SLC25A27: variants seen among roughly 807,000 people sequenced by gnomAD.
SLC25A27 encodes solute carrier family 25 member 27, also known as mitochondrial uncoupling protein 4.
Under a neutral mutation model 49.1 loss-of-function variants are expected in SLC25A27, and 35 were observed. That is an observed-to-expected ratio of 0.71 (90% CI 0.54 to 0.95). The LOEUF is 0.95. Among genes scored for constraint, SLC25A27 ranks in the 40% least tolerant of loss-of-function variants. The pLI is 0.00. For synonymous variants in SLC25A27, 144 were observed against 136.9 expected (o/e 1.05, Z -0.36); for missense variants, 339 against 397.1 (o/e 0.85, Z 1.24).
At chr6:46,654,472 T>C (rs1459878267) in intron 1 of SLC25A27, among the ~76,000 whole-genome samples, 2 of 152,322 alleles carry the variant, frequency 1.3e-5, no homozygotes, top group Non-Finnish European at 2.9e-5. Context: ...TGCTGAATGA[T>C]ATTTCCAGGT....
Position 46,676,468 on chromosome 6 carries a change from C to T in SLC25A27, c.*14C>T, listed in dbSNP as rs760876372. ...AGTCCATTTTAAACCCCTAAAGATGCAACCCTTAAAGATACAGTGTTCAGT... is the reference window on the plus strand; with the variant it reads ...AGTCCATTTTAAACCCCTAAAGATGTAACCCTTAAAGATACAGTGTTCAGT... On this transcript the variant is annotated 3_prime_UTR_variant, in exon 9 of 9. Transcript: ENST00000371347. 1 of 1,613,592 alleles carries T rather than the reference C, an allele frequency of 6.2e-7. No individual in the cohort carries two copies. Among genetic ancestry groups the T allele is most frequent in the South Asian group, 1.1e-5 (1 of 91,032 alleles).
chr6:46,670,151 G>T lies in SLC25A27; in HGVS notation c.721G>T (p.Val241Leu). ...HGLSSLCSGL[V>L]ASILGTPADV... ...TATTTATAGTTTATGTTCTGGACTGGTAGCTTCTATTCTGGGAACACCAGC... is the reference window on the plus strand; with the variant it reads ...TATTTATAGTTTATGTTCTGGACTGTTAGCTTCTATTCTGGGAACACCAGC... The change falls in exon 7 of 9, where the codon GTA becomes TTA. Residue 241 changes from valine (V) to leucine (L), a missense_variant. By Grantham distance (32) the Val-to-Leu change is conservative (BLOSUM62 1). Coordinates refer to ENST00000371347, the MANE Select transcript of SLC25A27 (RefSeq NM_004277.5). 6.2e-7 allele frequency: 1 copy of T among 1,610,688 alleles called. No homozygotes were observed. The highest frequency in any genetic ancestry group is 1.1e-5 in the South Asian group (1 of 90,680).
At chr6:46,675,340 C>T (rs1369496058) in intron 8 of SLC25A27, among the ~76,000 whole-genome samples, 3 of 152,150 alleles carry the variant, frequency 2.0e-5, no homozygotes, top group Non-Finnish European at 4.4e-5. Flanking sequence ...TCATCCAACT[C>T]CAAGTATATT....
At position 46,677,197 on chromosome 6, in the gene SLC25A27, AAAGAG is replaced by A. The variant is rs1411627968; in HGVS notation, c.*749_*753del. 1.9e-5 allele frequency: 3 copies of A among 154,972 alleles called. No homozygotes were observed. The highest frequency in any genetic ancestry group is 7.2e-5 in the African/African-American group (3 of 41,472). 9.6% of individuals were successfully genotyped at this position (154,972 alleles called of 1,614,324 possible). A position where few individuals can be genotyped will look rare whatever the true frequency, so the allele number is the denominator to read the frequency against. On this transcript the variant is annotated 3_prime_UTR_variant, in exon 9 of 9. Transcript: ENST00000371347. Reference sequence around the variant, plus strand: ...AGCCACACACCGAATCTTGATGAAAAAAGAGAAGAGCATTTGCCTTGTTACATAGT... The same window carrying A: ...AGCCACACACCGAATCTTGATGAAAAAAGAGCATTTGCCTTGTTACATAGT...
At chr6:46,662,547 C>G (rs942133187) in intron 4 of SLC25A27, 49 bp downstream of exon 4, 7 of 1,594,708 alleles carry the variant, frequency 4.4e-6, no homozygotes, top group Non-Finnish European at 6.0e-6. Flanking sequence ...TGGCCACCGT[C>G]ATATTTTTAA....
At chr6:46,653,752 C>T in intron 1 of SLC25A27, 1 of 985,232 alleles carries the variant, frequency 1.0e-6, no homozygotes, top group Middle Eastern at 5.2e-4. Flanking sequence ...ACCTGCCACT[C>T]ACAGAGCATC....
rs566203913 is a variant in SLC25A27 at position 46,664,948 on chromosome 6, T to C, written c.619+62T>C. On this transcript the variant is annotated intron_variant, in intron 5 of 8. Transcript: ENST00000371347. ...TTGCCTTAATAGCTGTAAGCACTTA[T>C]ATTAGGGAAATTAAAATTTATGTTT... 157 of 731,738 alleles carry C rather than the reference T, an allele frequency of 2.1e-4. No individual in the cohort carries two copies. In the South Asian group the frequency reaches 2.6e-3, roughly 12 times the overall value. 45.3% of individuals were successfully genotyped at this position (731,738 alleles called of 1,614,324 possible).
intron 5 of SLC25A27, among the ~76,000 whole-genome samples, chr6:46,668,502 G>C (rs922698581): frequency 6.6e-6 from 1 of 152,154 alleles, no homozygotes; most frequent in Non-Finnish European, 1.5e-5. Flanking sequence ...GGCATAGCTA[G>C]ATTAAGGAGT....
intron 5 of SLC25A27, among the ~76,000 whole-genome samples, chr6:46,667,184 G>A (rs1763353687): frequency 6.6e-6 from 1 of 151,884 alleles, no homozygotes. Flanking sequence ...CCTTTAAATT[G>A]TTCACACTCA....
intron 8 of SLC25A27, among the ~76,000 whole-genome samples, chr6:46,676,018 C>A (rs1385532105): frequency 6.6e-6 from 1 of 152,054 alleles, no homozygotes. Flanking sequence ...TGAGTCCCAG[C>A]CCTTTAGCCA....
At chr6:46,671,271 A>G in intron 8 of SLC25A27, 43 bp downstream of exon 8, 2 of 1,151,236 alleles carry the variant, frequency 1.7e-6, no homozygotes, top group South Asian at 2.9e-5. Flanking sequence ...CTTTGTACTT[A>G]AATTACTTTT....
intron 1 of SLC25A27, among the ~76,000 whole-genome samples, chr6:46,654,805 T>C (rs1227815613): frequency 6.6e-6 from 1 of 152,222 alleles, no homozygotes; most frequent in Admixed American, 6.5e-5. Context: ...ATACTAACTT[T>C]TCCAAAAACC....
intron 3 of SLC25A27, among the ~76,000 whole-genome samples, chr6:46,661,356 ATGTAAATG>A (rs1268283911): frequency 6.6e-6 from 1 of 152,242 alleles, no homozygotes; most frequent in East Asian, 1.9e-4. Flanking sequence ...AGCAAATGTT[ATGTAAATG>A]TTCAAATTTC....
At chr6:46,668,289 G>A (rs761729072) in intron 5 of SLC25A27, among the ~76,000 whole-genome samples, 11 of 152,174 alleles carry the variant, frequency 7.2e-5, no homozygotes, top group Non-Finnish European at 1.2e-4. Flanking sequence ...AGTGAGCCGC[G>A]ATCACGCCAC....
intron 5 of SLC25A27, 29 bp from the exon 6 acceptor site, chr6:46,668,680 A>G: frequency 7.8e-7 from 1 of 1,288,758 alleles, no homozygotes; most frequent in South Asian, 1.2e-5. Flanking sequence ...CTGTTGACTG[A>G]TGAATATTTA....
At position 46,653,124 on chromosome 6, in the gene SLC25A27, A is replaced by C; in HGVS notation, c.-69A>C. ...TGAAAAGGGGCCGCCCTGGCAGGGA[A>C]GCGGCCGCCGCGGCGCGGTGCAGCG... On this transcript the variant is annotated 5_prime_UTR_variant, in exon 1 of 9. Transcript: ENST00000371347. 1 of 1,448,046 alleles carries C rather than the reference A, an allele frequency of 6.9e-7. No homozygotes were observed. Among genetic ancestry groups the C allele is most frequent in the Non-Finnish European group, 9.6e-7 (1 of 1,042,878 alleles). 89.7% of individuals were successfully genotyped at this position (1,448,046 alleles called of 1,614,324 possible).
chr6:46,656,053 G>C lies in SLC25A27; in HGVS notation c.298+19G>C, dbSNP rs371775176. ...CACGTAGGTATTTATCTTGATTCTAGCTGGTAAGTTTGTTATGAGTTCTGT... is the reference window on the plus strand; with the variant it reads ...CACGTAGGTATTTATCTTGATTCTACCTGGTAAGTTTGTTATGAGTTCTGT... On this transcript the variant is annotated intron_variant, in intron 2 of 8. Transcript: ENST00000371347. 415 of 1,586,804 alleles carry C rather than the reference G, an allele frequency of 2.6e-4. 1 individual carries two copies. Among genetic ancestry groups the C allele is most frequent in the Non-Finnish European group, 3.4e-4 (402 of 1,167,302 alleles).
At chr6:46,655,695 C>A in intron 1 of SLC25A27, 148 bp from the exon 2 acceptor site, 4 of 672,478 alleles carry the variant, frequency 5.9e-6, no homozygotes, top group East Asian at 2.9e-5. Context: ...TAGGAAATTT[C>A]TAATTTTTAA....
At chr6:46,656,720 G>A (rs1427316074) in intron 2 of SLC25A27, among the ~76,000 whole-genome samples, 1 of 152,078 alleles carries the variant, frequency 6.6e-6, no homozygotes, top group Non-Finnish European at 1.5e-5. Context: ...TGCCCAGCCA[G>A]AACACATATA....
Sources: allele counts gnomAD v4.1 joint callset (sites outside exome capture counted in the v4.1 genomes callset), GRCh38; gene constraint gnomAD v4.1.1; transcripts MANE v1.5; gene names NCBI Gene and HGNC (gene_info 2026-07-23, HGNC 2026-07-21).